Variants in KCNIP4 observed in about 807,000 individuals in gnomAD.
The protein encoded by KCNIP4 is potassium voltage-gated channel interacting protein 4.
KCNIP4 carries 12 observed loss-of-function variants against 34.0 expected under a neutral mutation model. The observed-to-expected ratio is 0.35, with a 90% CI of 0.23 to 0.57. The LOEUF is 0.57. Ranked by LOEUF, KCNIP4 falls within the 20% of genes least tolerant of loss-of-function variation. The probability of loss-of-function intolerance (pLI) is 0.83; values close to 1 mark genes in which losing one functional copy is unlikely to be tolerated. For synonymous variants in KCNIP4, 124 were observed against 102.2 expected, an observed-to-expected ratio of 1.21 and a Z score of -1.29; for missense variants, 238 against 311.7, an observed-to-expected ratio of 0.76 and a Z score of 1.78.
chr4:21,723,873 T>C (rs572790659), intron 1 of KCNIP4, among the ~76,000 whole-genome samples: 2 of 152,054 alleles, frequency 1.3e-5, no homozygotes, highest in African/African-American at 4.8e-5. Flanking sequence ...CTTCTCTCTG[T>C]AGGGCATTAA....
At chr4:21,086,003 G>A (rs190555465) in intron 1 of KCNIP4, among the ~76,000 whole-genome samples, 8 of 152,208 alleles carry the variant, frequency 5.3e-5, no homozygotes, top group East Asian at 1.9e-4. Context: ...ATAAGTAATC[G>A]TCCATTTCCT....
At chr4:21,444,920 C>T (rs2109719726) in intron 1 of KCNIP4, among the ~76,000 whole-genome samples, 1 of 152,282 alleles carries the variant, frequency 6.6e-6, no homozygotes, top group African/African-American at 2.4e-5. Context: ...TAAGCAACTT[C>T]AGCAGTCTCA....
intron 1 of KCNIP4, among the ~76,000 whole-genome samples, chr4:21,706,891 G>T (rs1008697128): frequency 2.6e-5 from 4 of 152,138 alleles, no homozygotes; most frequent in Non-Finnish European, 5.9e-5. Context: ...AAAGTCACAG[G>T]TTTTGAAAGT....
At chr4:21,140,220 T>A (rs1751840864) in intron 1 of KCNIP4, among the ~76,000 whole-genome samples, 1 of 152,138 alleles carries the variant, frequency 6.6e-6, no homozygotes, top group Non-Finnish European at 1.5e-5. Flanking sequence ...ACTACCTGTG[T>A]GGCCTTATGC....
intron 1 of KCNIP4, among the ~76,000 whole-genome samples, chr4:21,442,337 T>C (rs1560409847): frequency 6.6e-6 from 1 of 152,220 alleles, no homozygotes; most frequent in Non-Finnish European, 1.5e-5. Flanking sequence ...TTTTATCCAC[T>C]GGGGTAATCA....
chr4:21,497,503 G>A (rs945711562), intron 1 of KCNIP4, among the ~76,000 whole-genome samples: 1 of 152,054 alleles, frequency 6.6e-6, no homozygotes, highest in Non-Finnish European at 1.5e-5. Flanking sequence ...TAGCTCAGAT[G>A]TCTAATCTCT....
intron 1 of KCNIP4, among the ~76,000 whole-genome samples, chr4:20,927,215 G>C (rs1729994657): frequency 6.6e-6 from 1 of 152,140 alleles, no homozygotes; most frequent in South Asian, 2.1e-4. Context: ...TTGAACTCGT[G>C]ATCTGCCCAC....
At chr4:21,092,767 T>C (rs1334075770) in intron 1 of KCNIP4, among the ~76,000 whole-genome samples, 1 of 152,154 alleles carries the variant, frequency 6.6e-6, no homozygotes, top group East Asian at 1.9e-4. Flanking sequence ...GCCCAAGTAA[T>C]GACTAGCCAG....
At chr4:21,783,736 G>A (rs1221295766) in intron 1 of KCNIP4, among the ~76,000 whole-genome samples, 1 of 152,086 alleles carries the variant, frequency 6.6e-6, no homozygotes, top group Non-Finnish European at 1.5e-5. Flanking sequence ...ATAATAGAAA[G>A]ATGAGAATAT....
At chr4:21,625,225 T>C (rs144807653) in intron 1 of KCNIP4, among the ~76,000 whole-genome samples, 2 of 152,264 alleles carry the variant, frequency 1.3e-5, no homozygotes, top group Admixed American at 1.3e-4. Context: ...TTTTTACCTC[T>C]ATTTTTGAAT....
intron 1 of KCNIP4, among the ~76,000 whole-genome samples, chr4:21,902,855 T>C (rs536463242): frequency 1.1e-4 from 17 of 152,190 alleles, no homozygotes; most frequent in African/African-American, 4.1e-4. Context: ...TCAGTACATA[T>C]AGGAAGCCAC....
intron 1 of KCNIP4, among the ~76,000 whole-genome samples, chr4:21,912,764 A>G (rs879761617): frequency 2.6e-5 from 4 of 151,664 alleles, no homozygotes; most frequent in Admixed American, 2.0e-4. Context: ...GCAAGATGAA[A>G]TGGAGAGGTA....
At chr4:20,793,208 A>G (rs1386930697) in intron 3 of KCNIP4, among the ~76,000 whole-genome samples, 1 of 152,188 alleles carries the variant, frequency 6.6e-6, no homozygotes, top group Non-Finnish European at 1.5e-5. Flanking sequence ...AAATTGTTGT[A>G]TATACCTATA....
At chr4:21,021,436 A>T (rs1015820678) in intron 1 of KCNIP4, among the ~76,000 whole-genome samples, 1 of 152,196 alleles carries the variant, frequency 6.6e-6, no homozygotes, top group South Asian at 2.1e-4. Flanking sequence ...CAACTTTGTT[A>T]CTTTTTAATT....
chr4:21,888,567 G>C (rs550510133), intron 1 of KCNIP4, among the ~76,000 whole-genome samples: 4 of 152,158 alleles, frequency 2.6e-5, no homozygotes, highest in African/African-American at 9.6e-5. Context: ...GGGTGATTAG[G>C]AGCCACTCTC....
At chr4:21,782,269 AC>A (rs577516480) in intron 1 of KCNIP4, among the ~76,000 whole-genome samples, 26 of 152,018 alleles carry the variant, frequency 1.7e-4, no homozygotes, top group Non-Finnish European at 3.5e-4. Flanking sequence ...TACATGCCAT[AC>A]AAACAATGAT....
At chr4:21,469,215 C>T (rs1318842196) in intron 1 of KCNIP4, among the ~76,000 whole-genome samples, 1 of 152,074 alleles carries the variant, frequency 6.6e-6, no homozygotes, top group African/African-American at 2.4e-5. Context: ...CAAGCACGTG[C>T]CACCATGCCT....
At chr4:21,233,953 C>T (rs973029775) in intron 1 of KCNIP4, among the ~76,000 whole-genome samples, 2 of 136,390 alleles carry the variant, frequency 1.5e-5, no homozygotes, top group Non-Finnish European at 3.0e-5. Flanking sequence ...TTACATATAA[C>T]ATATATAACA....
chr4:21,890,869 G>A (rs1281340971), intron 1 of KCNIP4, among the ~76,000 whole-genome samples: 1 of 152,094 alleles, frequency 6.6e-6, no homozygotes, highest in African/African-American at 2.4e-5. Context: ...GCCAGAGAAT[G>A]AAACATAGGG....
Sources: allele counts gnomAD v4.1 joint callset (sites outside exome capture counted in the v4.1 genomes callset), GRCh38; gene constraint gnomAD v4.1.1; transcripts MANE v1.5; gene names NCBI Gene and HGNC (gene_info 2026-07-23, HGNC 2026-07-21).